Variants in PSMB7 observed in about 807,000 individuals in gnomAD.
PSMB7 encodes the protein proteasome subunit beta type-7.
PSMB7 carries 5 observed loss-of-function variants against 28.1 expected under a neutral mutation model. The observed-to-expected ratio is 0.18, with a 90% CI of 0.09 to 0.37. The LOEUF is 0.37. Ranked by LOEUF, PSMB7 falls within the 10% of genes least tolerant of loss-of-function variation. PSMB7 has a pLI of 1.00. For missense variants in PSMB7, 275 were observed against 346.2 expected (o/e 0.79, Z 1.63); for synonymous variants, 122 against 123.7 (o/e 0.99, Z 0.09).
chr9:124,413,153 C>CAAAAAAAAAAAAA (rs61132576), intron 3 of PSMB7, among the ~76,000 whole-genome samples: 2 of 47,232 alleles, frequency 4.2e-5, no homozygotes, highest in Admixed American at 3.0e-4. Context: ...GCATCTCTCC[C>CAAAAAAAAAAAAA]AAAAAAAAAA....
chr9:124,410,010 A>AT (rs11396783), intron 4 of PSMB7, among the ~76,000 whole-genome samples: 127,216 of 144,748 alleles, frequency 0.88, 56,426 homozygotes, highest in African/African-American at 0.93. Context: ...AGAATTTAGA[A>AT]TTTTTTTTTT....
At chr9:124,409,742 C>G (rs965860847) in intron 4 of PSMB7, among the ~76,000 whole-genome samples, 2 of 152,158 alleles carry the variant, frequency 1.3e-5, no homozygotes, top group Admixed American at 6.5e-5. Context: ...AACTATTATC[C>G]TCATTTTATT....
chr9:124,387,059 G>A (rs183115918), intron 5 of PSMB7, among the ~76,000 whole-genome samples: 41 of 152,182 alleles, frequency 2.7e-4, no homozygotes, highest in East Asian at 1.9e-3. Flanking sequence ...ATCCTGGCTA[G>A]CACAGTGAAA....
At chr9:124,358,680 C>T (rs1430692024) in intron 6 of PSMB7, among the ~76,000 whole-genome samples, 6 of 152,330 alleles carry the variant, frequency 3.9e-5, no homozygotes, top group Middle Eastern at 6.8e-3. Context: ...AAATGGCCTT[C>T]GGTGTGTGCG....
chr9:124,400,702 C>T (rs1422908526), intron 5 of PSMB7, among the ~76,000 whole-genome samples: 1 of 152,214 alleles, frequency 6.6e-6, no homozygotes, highest in Non-Finnish European at 1.5e-5. Context: ...TCTCAAAAAT[C>T]CCTCTCTTCC....
chr9:124,376,653 T>A (rs568959638), intron 6 of PSMB7, among the ~76,000 whole-genome samples: 2 of 152,330 alleles, frequency 1.3e-5, no homozygotes, highest in South Asian at 4.1e-4. Flanking sequence ...TCTTTCCCAG[T>A]CTTGTTAAAG....
At chr9:124,376,076 G>A (rs1220293985) in intron 6 of PSMB7, among the ~76,000 whole-genome samples, 4 of 152,112 alleles carry the variant, frequency 2.6e-5, no homozygotes, top group African/African-American at 7.2e-5. Flanking sequence ...CAGAACAATC[G>A]TTGACAAAGA....
At position 124,356,973 on chromosome 9, in the gene PSMB7, T is replaced by C; in HGVS notation, c.571-58A>G. The C allele has an allele frequency of 6.2e-7, 1 of 1,601,498 alleles. No individual in the cohort carries two copies. The highest frequency in any genetic ancestry group is 8.5e-7 in the Non-Finnish European group (1 of 1,171,188). On this transcript the variant is annotated intron_variant, in intron 6 of 7. Coordinates refer to ENST00000259457, the MANE Select transcript of PSMB7 (RefSeq NM_002799.4). This position sits in a 1 kb window ranked among gnomAD's most constrained non-coding sequence, Gnocchi z 4.4. The stretch of plus-strand genomic sequence containing the variant: ...GGCCAAACTAGGGCCTGCTCTGACA[T>C]CCGCAATGTACGTCCACTAGCAGTG...
At position 124,405,237 on chromosome 9, in the gene PSMB7, A is replaced by C; in HGVS notation, c.511+80T>G. The C allele has an allele frequency of 4.1e-6, 4 of 965,596 alleles. No homozygotes were observed. The South Asian group carries it at 5.8e-5, about 14-fold the overall frequency. The allele number at this position is 965,596 out of a possible 1,614,324, so 59.8% of individuals were successfully genotyped here. On this transcript the variant is annotated intron_variant, in intron 5 of 7. Coordinates refer to ENST00000259457, the MANE Select transcript of PSMB7 (RefSeq NM_002799.4). Reference sequence around the variant, plus strand: ...GCATTGTATTGCACCTCCTCTTCTAAGAGAAAACAGACCAGCTCTTCAAGA... The same window carrying C: ...GCATTGTATTGCACCTCCTCTTCTACGAGAAAACAGACCAGCTCTTCAAGA...
intron 6 of PSMB7, among the ~76,000 whole-genome samples, chr9:124,363,814 C>T (rs549105527): frequency 5.3e-5 from 8 of 152,180 alleles, no homozygotes; most frequent in South Asian, 2.1e-4. Flanking sequence ...CTCATGTTCA[C>T]GAAATTGCCA....
intron 6 of PSMB7, among the ~76,000 whole-genome samples, chr9:124,382,181 C>CT (rs1830673656): frequency 7.4e-6 from 1 of 135,382 alleles, no homozygotes; most frequent in South Asian, 2.6e-4. Flanking sequence ...GAGTGAGACT[C>CT]TGTCTCTCTC....
chr9:124,369,936 G>T (rs1176206714), intron 6 of PSMB7, among the ~76,000 whole-genome samples: 1 of 152,138 alleles, frequency 6.6e-6, no homozygotes, highest in Admixed American at 6.5e-5. Context: ...CATAGTCCCT[G>T]CTTGTGGGCC....
intron 6 of PSMB7, among the ~76,000 whole-genome samples, chr9:124,361,916 A>G (rs995891503): frequency 6.6e-6 from 1 of 152,224 alleles, no homozygotes; most frequent in African/African-American, 2.4e-5. Flanking sequence ...TTCTCACTTA[A>G]GTGATTTTTA....
chr9:124,362,295 A>G (rs1830471127), intron 6 of PSMB7, among the ~76,000 whole-genome samples: 2 of 152,232 alleles, frequency 1.3e-5, no homozygotes, highest in African/African-American at 4.8e-5. Flanking sequence ...AAACAAAGAG[A>G]TACTCAGCCT....
chr9:124,400,821 T>C (rs1166459040), intron 5 of PSMB7, among the ~76,000 whole-genome samples: 1 of 152,204 alleles, frequency 6.6e-6, no homozygotes. Flanking sequence ...GAAGTACGTA[T>C]TTATACAAGT....
intron 6 of PSMB7, among the ~76,000 whole-genome samples, chr9:124,364,822 G>C (rs1195896113): frequency 6.6e-6 from 1 of 152,180 alleles, no homozygotes; most frequent in Non-Finnish European, 1.5e-5. Flanking sequence ...CAGAAATCCA[G>C]TCCTGTCAGA....
At chr9:124,399,472 G>C (rs1160136769) in intron 5 of PSMB7, among the ~76,000 whole-genome samples, 1 of 152,226 alleles carries the variant, frequency 6.6e-6, no homozygotes, top group African/African-American at 2.4e-5. Flanking sequence ...GAACACTCCA[G>C]GCAGAAAATG....
rs750700124 is a variant in PSMB7, at chr9:124,371,786, T to C, written c.570+12812A>G. The stretch of plus-strand genomic sequence containing the variant: ...CTTCCTTTCAATTCCACCTATACAG[T>C]TAAAAGTCTCCAAACACTTACGAAT... On this transcript the variant is annotated intron_variant, in intron 6 of 7. Coordinates refer to ENST00000259457, the MANE Select transcript of PSMB7 (RefSeq NM_002799.4). Among the ~76,000 whole-genome samples, 9 of 152,308 alleles carry C rather than the reference T, an allele frequency of 5.9e-5. No individual in the cohort carries two copies. The East Asian group carries it at 1.3e-3, about 23-fold the overall frequency.
intron 6 of PSMB7, among the ~76,000 whole-genome samples, chr9:124,362,175 A>T (rs7853028): frequency 0.012 from 1,882 of 152,390 alleles, 41 homozygotes; most frequent in African/African-American, 0.043. Context: ...GTCATTTGAC[A>T]TAACTGATTT....
Sources: gnomAD v4.1 joint callset for allele counts (sites outside exome capture counted in the v4.1 genomes callset) on GRCh38, gnomAD v4.1.1 for gene constraint, Gnocchi (gnomAD v3.1) non-coding constraint, MANE v1.5 for transcripts, NCBI Gene and HGNC (gene_info 2026-07-23, HGNC 2026-07-21) for gene names.